Variants in RASGEF1C observed in about 807,000 individuals in gnomAD.
RASGEF1C encodes the protein RasGEF domain family member 1C.
RASGEF1C carries 27 observed loss-of-function variants against 58.1 expected under a neutral mutation model. That is an observed-to-expected ratio of 0.46 (90% CI 0.34 to 0.64). RASGEF1C has a LOEUF of 0.64. RASGEF1C is among the 30% of genes least tolerant of loss of function. The pLI, the probability that RASGEF1C is intolerant of heterozygous loss-of-function variation, is 0.01. For missense variants in RASGEF1C, 502 were observed against 605.1 expected (o/e 0.83, Z 1.79); for synonymous variants, 243 against 246.3 (o/e 0.99, Z 0.13).
At chr5:180,163,253 C>CTTTTTTTTTT (rs1561747791) in intron 1 of RASGEF1C, among the ~76,000 whole-genome samples, 1 of 5,058 alleles carries the variant, frequency 2.0e-4, no homozygotes, top group Non-Finnish European at 1.0e-3. Flanking sequence ...TTTTTTTTTT[C>CTTTTTTTTTT]CAGCCTATTG....
At chr5:180,171,440 C>T (rs1279606937) in intron 1 of RASGEF1C, among the ~76,000 whole-genome samples, 3 of 152,124 alleles carry the variant, frequency 2.0e-5, no homozygotes, top group African/African-American at 7.2e-5. Context: ...TGGGAGACCC[C>T]GCAGTGACAA....
intron 1 of RASGEF1C, among the ~76,000 whole-genome samples, chr5:180,140,086 G>A (rs1766550881): frequency 6.6e-6 from 1 of 152,170 alleles, no homozygotes; most frequent in African/African-American, 2.4e-5. Flanking sequence ...GGGGACCTGG[G>A]GCCTGGCCTG....
At chr5:180,173,359 C>A (rs554282914) in intron 1 of RASGEF1C, among the ~76,000 whole-genome samples, 1 of 152,188 alleles carries the variant, frequency 6.6e-6, no homozygotes, top group African/African-American at 2.4e-5. Context: ...GCCTGCCACC[C>A]GGTTTCCAGA....
At chr5:180,127,926 G>T (rs1395328301) in intron 5 of RASGEF1C, among the ~76,000 whole-genome samples, 1 of 152,234 alleles carries the variant, frequency 6.6e-6, no homozygotes, top group Non-Finnish European at 1.5e-5. Context: ...GAGGCGTGAC[G>T]CCCAGGGAAG....
intron 1 of RASGEF1C, among the ~76,000 whole-genome samples, chr5:180,146,291 T>C (rs2113286865): frequency 6.6e-6 from 1 of 152,298 alleles, no homozygotes; most frequent in South Asian, 2.1e-4. Context: ...TACAGGTGCA[T>C]GCCACCACAC....
intron 1 of RASGEF1C, among the ~76,000 whole-genome samples, chr5:180,193,627 C>T (rs1581129705): frequency 1.3e-5 from 2 of 152,184 alleles, no homozygotes; most frequent in Middle Eastern, 3.4e-3. Context: ...ACCAACCAAA[C>T]AAAAAGAACT....
At chr5:180,208,130 C>T (rs1030782320) in intron 1 of RASGEF1C, among the ~76,000 whole-genome samples, 1 of 152,108 alleles carries the variant, frequency 6.6e-6, no homozygotes, top group South Asian at 2.1e-4. Flanking sequence ...TGGAGCCAGT[C>T]TTACCAGAGG....
At chr5:180,167,445 C>A (rs1231787703) in intron 1 of RASGEF1C, among the ~76,000 whole-genome samples, 2 of 152,004 alleles carry the variant, frequency 1.3e-5, no homozygotes, top group Non-Finnish European at 2.9e-5. Context: ...GCCAAGATTG[C>A]GCCACTGCAC....
chr5:180,185,446 A>G (rs1756019130), intron 1 of RASGEF1C, among the ~76,000 whole-genome samples: 1 of 151,916 alleles, frequency 6.6e-6, no homozygotes, highest in Admixed American at 6.6e-5. Flanking sequence ...TTAGCCGGGC[A>G]TGGTGGTGTG....
chr5:180,119,846 G>A (rs1471942161), intron 7 of RASGEF1C, among the ~76,000 whole-genome samples: 1 of 152,204 alleles, frequency 6.6e-6, no homozygotes, highest in African/African-American at 2.4e-5. Flanking sequence ...TTGGCCCTGA[G>A]GCCTGTCCCT....
At position 180,158,791 on chromosome 5, in the gene RASGEF1C, C is replaced by T. The variant is rs141545999; in HGVS notation, c.-6-20733G>A. Reference sequence around the variant, plus strand: ...TTTCCAGTCTCACGGGCTGGAATCTCGTGCCCTTCAGTGCTGGAAAACTTT... The same window carrying T: ...TTTCCAGTCTCACGGGCTGGAATCTTGTGCCCTTCAGTGCTGGAAAACTTT... On this transcript the variant is annotated intron_variant, in intron 1 of 13. Transcript: ENST00000361132. The surrounding 1 kb of genome is among the most constrained non-coding windows in gnomAD (Gnocchi z 4.0). Among the ~76,000 whole-genome samples, 1 of 152,224 alleles carries T rather than the reference C, an allele frequency of 6.6e-6. No homozygotes were observed. Among genetic ancestry groups the T allele is most frequent in the Non-Finnish European group, 1.5e-5 (1 of 68,016 alleles).
chr5:180,107,198 C>T (rs1182630821), intron 12 of RASGEF1C, among the ~76,000 whole-genome samples: 1 of 152,070 alleles, frequency 6.6e-6, no homozygotes, highest in African/African-American at 2.4e-5. Flanking sequence ...ATAGTTGGAT[C>T]ATTTTAAAAA....
At chr5:180,146,436 C>T (rs910301751) in intron 1 of RASGEF1C, among the ~76,000 whole-genome samples, 2 of 152,138 alleles carry the variant, frequency 1.3e-5, no homozygotes. Context: ...CTGTGCTTGG[C>T]CAGCTATGTG....
intron 1 of RASGEF1C, among the ~76,000 whole-genome samples, chr5:180,208,070 C>T (rs1756521315): frequency 6.6e-6 from 1 of 152,144 alleles, no homozygotes; most frequent in Admixed American, 6.5e-5. Context: ...GAGTGGACAA[C>T]CCTAGCCCCC....
rs1765797912 is a variant in RASGEF1C at position 180,102,119 on chromosome 5, C to T, written c.1328G>A (p.Ser443Asn). The change falls in exon 13 of 14, where the codon AGT (serine) becomes AAT (asparagine). Residue 443 changes from serine (S) to asparagine (N), a missense_variant. Physicochemically the swap from Ser to Asn is conservative, Grantham distance 46. Coordinates refer to ENST00000361132, the MANE Select transcript of RASGEF1C (RefSeq NM_175062.4). ...TTCTGTTTGGTTCTCTGGGCTCTCA[C>T]TTTCGTAAGAAGCCAAATAAAGACC... is the stretch of plus-strand genomic sequence containing the variant. ...EDGLYLASYE[S>N]ESPENQTEKE... The T allele has an allele frequency of 6.2e-7, 1 of 1,601,650 alleles. No homozygotes were observed. Among genetic ancestry groups the T allele is most frequent in the African/African-American group, 1.3e-5 (1 of 74,786 alleles).
chr5:180,176,769 G>A (rs1264404342), intron 1 of RASGEF1C, among the ~76,000 whole-genome samples: 2 of 152,112 alleles, frequency 1.3e-5, no homozygotes, highest in South Asian at 2.1e-4. Context: ...TGTTGGCCAG[G>A]ATGGTCTCGA....
intron 1 of RASGEF1C, among the ~76,000 whole-genome samples, chr5:180,184,966 T>A (rs555352660): frequency 6.6e-6 from 1 of 152,262 alleles, no homozygotes; most frequent in East Asian, 1.9e-4. Context: ...TGTCATCTGT[T>A]TCTCAATAAT....
chr5:180,172,055 A>T (rs1265331684), intron 1 of RASGEF1C, among the ~76,000 whole-genome samples: 1 of 152,238 alleles, frequency 6.6e-6, no homozygotes, highest in African/African-American at 2.4e-5. Context: ...CCTTACATTC[A>T]TAGGAATAAA....
chr5:180,142,478 A>G (rs1300695112), intron 1 of RASGEF1C, among the ~76,000 whole-genome samples: 2 of 152,134 alleles, frequency 1.3e-5, no homozygotes, highest in Admixed American at 1.3e-4. Flanking sequence ...GTATCCTGAG[A>G]AAATAAAGGG....
Sources: gnomAD v4.1 joint callset for allele counts (sites outside exome capture counted in the v4.1 genomes callset) on GRCh38, gnomAD v4.1.1 for gene constraint, Gnocchi (gnomAD v3.1) non-coding constraint, MANE v1.5 for transcripts, NCBI Gene and HGNC (gene_info 2026-07-23, HGNC 2026-07-21) for gene names.